The following UBE4B variants were observed in gnomAD, a reference collection of about 807,000 sequenced individuals.
UBE4B encodes ubiquitination factor E4B.
A neutral mutation model predicts 148.1 loss-of-function variants in UBE4B; 27 were observed. The ratio of observed to expected loss-of-function variants is 0.18; its 90% CI spans 0.13 to 0.25. The LOEUF is 0.25. UBE4B is among the 10% of genes least tolerant of loss of function. The pLI, the probability that UBE4B is intolerant of heterozygous loss-of-function variation, is 1.00. For synonymous variants in UBE4B, 596 were observed against 619.3 expected, an observed-to-expected ratio of 0.96 and a Z score of 0.56; for missense variants, 1,170 against 1,662.4, an observed-to-expected ratio of 0.70 and a Z score of 5.15.
At chr1:10,152,216 G>A (rs1011296332) in intron 21 of UBE4B, among the ~76,000 whole-genome samples, 1 of 151,276 alleles carries the variant, frequency 6.6e-6, no homozygotes, top group Non-Finnish European at 1.5e-5. Context: ...CCGAGATCCC[G>A]CCACTGTATT....
chr1:10,161,415 A>G lies in UBE4B; in HGVS notation c.3198+129A>G. 9.2e-7 allele frequency: 1 copy of G among 1,090,458 alleles called. No individual in the cohort carries two copies. Among genetic ancestry groups the G allele is most frequent in the Non-Finnish European group, 1.3e-6 (1 of 793,804 alleles). The allele number at this position is 1,090,458 out of a possible 1,614,324, so 67.5% of individuals were successfully genotyped here. ...TCTGACATGCTGGGATTTTCCTTCC[A>G]TGAAATCATATTGCAGGATTGGAAT... On this transcript the variant is annotated intron_variant, in intron 23 of 27. Coordinates refer to ENST00000343090, the MANE Select transcript of UBE4B (RefSeq NM_001105562.3). The surrounding 1 kb of genome is among the most constrained non-coding windows in gnomAD (Gnocchi z 4.1).
At chr1:10,165,617 CCACT>C (rs933426163) in intron 23 of UBE4B, among the ~76,000 whole-genome samples, 1 of 152,132 alleles carries the variant, frequency 6.6e-6, no homozygotes, top group African/African-American at 2.4e-5. Context: ...AGTCTCTTCT[CCACT>C]CACTCTACCC....
At position 10,175,458 on chromosome 1, in the gene UBE4B, T is replaced by C. The variant is rs538626761; in HGVS notation, c.3526-3186T>C. ...CAAGGTCAGGAGATCGAGACCGTCC[T>C]GGCTAACACGGTGAAACCCCATCTC... is the stretch of plus-strand genomic sequence containing the variant. On this transcript the variant is annotated intron_variant, in intron 25 of 27. Transcript: ENST00000343090. 8.2e-4 allele frequency among the ~76,000 whole-genome samples: 124 copies of C among 151,354 alleles called. 2 individuals are homozygous for C. Among genetic ancestry groups the C allele is most frequent in the South Asian group, 1.9e-3 (9 of 4,792 alleles).
At chr1:10,043,496 G>A (rs11805696) in intron 1 of UBE4B, among the ~76,000 whole-genome samples, 3,679 of 137,368 alleles carry the variant, frequency 0.027, 162 homozygotes, top group African/African-American at 0.096. Flanking sequence ...GCGCGATCTC[G>A]GCTCACTGCA....
chr1:10,174,522 G>A (rs1288628932), intron 25 of UBE4B, among the ~76,000 whole-genome samples: 2 of 151,364 alleles, frequency 1.3e-5, no homozygotes, highest in East Asian at 3.9e-4. Context: ...CTAACATGGT[G>A]AAACCCTGTT....
intron 10 of UBE4B, among the ~76,000 whole-genome samples, chr1:10,124,325 C>T (rs1645457860): frequency 6.6e-6 from 1 of 152,090 alleles, no homozygotes; most frequent in Non-Finnish European, 1.5e-5. Flanking sequence ...CCATGCCCAG[C>T]TAATTTTTGT....
At chr1:10,114,022 G>T (rs1645264217) in intron 7 of UBE4B, among the ~76,000 whole-genome samples, 1 of 143,706 alleles carries the variant, frequency 7.0e-6, no homozygotes, top group Non-Finnish European at 1.5e-5. Flanking sequence ...CCGAGATTGT[G>T]CCACTGCACT....
chr1:10,079,706 A>G (rs1413251123), intron 2 of UBE4B, among the ~76,000 whole-genome samples: 1 of 152,222 alleles, frequency 6.6e-6, no homozygotes, highest in Non-Finnish European at 1.5e-5. Flanking sequence ...CTTTGGAACT[A>G]GTGAGAAGCC....
chr1:10,100,149 C>G (rs1644986979), intron 3 of UBE4B, among the ~76,000 whole-genome samples: 2 of 151,966 alleles, frequency 1.3e-5, no homozygotes. Flanking sequence ...ACCACCATGC[C>G]CGGCTAATTT....
intron 10 of UBE4B, among the ~76,000 whole-genome samples, chr1:10,125,693 C>T (rs1044780184): frequency 7.9e-5 from 12 of 152,186 alleles, no homozygotes; most frequent in African/African-American, 2.9e-4. Context: ...AACCAACTCC[C>T]TAAATGTGTT....
chr1:10,137,244 T>TGG (rs752692119), intron 17 of UBE4B, 39 bp downstream of exon 17: 10 of 1,612,010 alleles, frequency 6.2e-6, no homozygotes, highest in Non-Finnish European at 8.5e-6. Context: ...TTGCCTGAGT[T>TGG]ACCACTTTTT....
intron 1 of UBE4B, among the ~76,000 whole-genome samples, chr1:10,071,520 C>G (rs933028424): frequency 2.6e-5 from 4 of 152,116 alleles, no homozygotes; most frequent in African/African-American, 4.8e-5. Flanking sequence ...CCCAGGAGTT[C>G]AAGGCTGCAG....
chr1:10,115,233 G>A (rs1161443031), intron 7 of UBE4B, among the ~76,000 whole-genome samples: 3 of 144,208 alleles, frequency 2.1e-5, no homozygotes, highest in East Asian at 2.0e-4. Flanking sequence ...TGATCTGCCC[G>A]CCTTGGCCTC....
chr1:10,155,052 A>G (rs1038924475), intron 21 of UBE4B, among the ~76,000 whole-genome samples: 1 of 151,534 alleles, frequency 6.6e-6, no homozygotes, highest in African/African-American at 2.4e-5. Context: ...TGGGCCTGTC[A>G]CTGTGGCTTC....
rs1219200976 is a variant in UBE4B, at chr1:10,119,573, C to T, written c.1399C>T (p.His467Tyr). 4.3e-6 allele frequency: 7 copies of T among 1,613,424 alleles called. No individual in the cohort carries two copies. The East Asian group carries it at 1.6e-4, about 36-fold the overall frequency. Residue 467 changes from histidine (H) to tyrosine (Y), a missense_variant, in exon 9 of 28, where the codon CAT becomes TAT. Transcript: ENST00000343090. ...CAACATCCGCTCACAGTGCATATCC[C>T]ATACTGCTTTAGTACTACAAGGCTC... is the stretch of plus-strand genomic sequence containing the variant. ...LSNIRSQCISHTALVLQGSLT... is the reference protein window; with the variant it reads ...LSNIRSQCISYTALVLQGSLT...
In UBE4B at chr1:10,103,151, G is replaced by A. The variant is rs868446033; in HGVS notation, c.580+59G>A. On this transcript the variant is annotated intron_variant, in intron 5 of 27. Coordinates refer to ENST00000343090, the MANE Select transcript of UBE4B (RefSeq NM_001105562.3). ...TACTCGACAAGAAAATAAGATGTGA[G>A]ATCTTTGCCCTCTGTTATCCACATT... The A allele has an allele frequency of 2.1e-5, 31 of 1,495,782 alleles. 1 individual carries two copies. The Admixed American group carries it at 2.4e-4, about 12-fold the overall frequency. The allele number at this position is 1,495,782 out of a possible 1,614,324, so 92.7% of individuals were successfully genotyped here.
intron 23 of UBE4B, among the ~76,000 whole-genome samples, chr1:10,166,964 CACACACAAAAAAAA>C (rs1557612197): frequency 2.9e-5 from 4 of 139,774 alleles, no homozygotes; most frequent in African/African-American, 1.2e-4. Context: ...CACACACACA[CACACACAAAAAAAA>C]AAAATTAGCT....
At chr1:10,156,405 A>C (rs911643514) in intron 21 of UBE4B, among the ~76,000 whole-genome samples, 1 of 151,820 alleles carries the variant, frequency 6.6e-6, no homozygotes, top group Non-Finnish European at 1.5e-5. Context: ...ACACCCAGCT[A>C]ATTTTTGTGG....
chr1:10,174,834 A>C (rs1281532538), intron 25 of UBE4B, among the ~76,000 whole-genome samples: 1 of 151,270 alleles, frequency 6.6e-6, no homozygotes, highest in Non-Finnish European at 1.5e-5. Flanking sequence ...TTTAGAAGAG[A>C]GCTTTGGTGG....
Sources: gnomAD v4.1 joint callset for allele counts (sites outside exome capture counted in the v4.1 genomes callset) on GRCh38, gnomAD v4.1.1 for gene constraint, Gnocchi (gnomAD v3.1) non-coding constraint, MANE v1.5 for transcripts, NCBI Gene and HGNC (gene_info 2026-07-23, HGNC 2026-07-21) for gene names.